LPL: variants seen among roughly 807,000 people sequenced by gnomAD.
LPL encodes the protein lipoprotein lipase.
In LPL, 43 loss-of-function variants were observed where a neutral mutation model predicts 52.2. The ratio of observed to expected loss-of-function variants is 0.82; its 90% CI spans 0.64 to 1.06. The LOEUF (loss-of-function observed/expected upper bound fraction) is 1.06. LPL is among the 50% of genes least tolerant of loss of function. The pLI, the probability that LPL is intolerant of heterozygous loss-of-function variation, is 0.00. For missense variants in LPL, 639 were observed against 585.3 expected, an observed-to-expected ratio of 1.09 and a Z score of -0.95; for synonymous variants, 244 against 215.6, an observed-to-expected ratio of 1.13 and a Z score of -1.15.
chr8:19,948,520 C>T, intron 2 of LPL, 180 bp downstream of exon 2: 1 of 677,286 alleles, frequency 1.5e-6, no homozygotes, highest in South Asian at 2.0e-5. Flanking sequence ...ATGAGAACTC[C>T]CCCTAGGCAG....
intron 1 of LPL, 67 bp from the exon 2 acceptor site, chr8:19,948,113 A>G: frequency 6.5e-7 from 1 of 1,535,272 alleles, no homozygotes; most frequent in Non-Finnish European, 9.0e-7. Context: ...AACCTAAAAC[A>G]TATCATTCCA....
intron 2 of LPL, 141 bp from the exon 3 acceptor site, chr8:19,951,628 T>G: frequency 1.1e-6 from 1 of 924,434 alleles, no homozygotes; most frequent in Non-Finnish European, 1.8e-6. Flanking sequence ...TGAACACTGT[T>G]CTGTTATTTG....
At chr8:19,954,432 C>A in intron 5 of LPL, 79 bp downstream of exon 5, 1 of 1,380,908 alleles carries the variant, frequency 7.2e-7, no homozygotes, top group Non-Finnish European at 1.0e-6. Flanking sequence ...TCAGTAGCTT[C>A]AAAGTATGTA....
rs1193006100 is a variant in LPL, at chr8:19,955,991, G to A, written c.926G>A (p.Arg309His). Residue 309 changes from arginine (R) to histidine (H), a missense_variant, in exon 6 of 10, where the codon CGC (arginine) becomes CAC (histidine). By Grantham distance (29) the Arg-to-His change is conservative (BLOSUM62 0). Transcript: ENST00000650287. The part of the protein sequence containing the change: ...KGLCLSCRKN[R>H]CNNLGYEINK... The stretch of plus-strand genomic sequence containing the variant: ...CTCTGCTTGAGTTGTAGAAAGAACC[G>A]CTGCAACAATCTGGGCTATGAGATC... 4.3e-6 allele frequency: 7 copies of A among 1,614,116 alleles called. No individual in the cohort carries two copies. The highest frequency in any genetic ancestry group is 1.1e-5 in the South Asian group (1 of 91,080).
intron 1 of LPL, among the ~76,000 whole-genome samples, chr8:19,945,932 G>C (rs966344293): frequency 7.2e-5 from 11 of 152,210 alleles, no homozygotes; most frequent in African/African-American, 2.2e-4. Context: ...ATTTAAGGTG[G>C]AAAGGTGTGG....
chr8:19,953,510 A>C (rs2069953343), intron 4 of LPL, 89 bp downstream of exon 4: 1 of 901,682 alleles, frequency 1.1e-6, no homozygotes. Context: ...TTAAATACCC[A>C]CATGTGTGGT....
At chr8:19,955,762 C>T (rs552545352) in intron 5 of LPL, 79 bp from the exon 6 acceptor site, 5 of 1,570,880 alleles carry the variant, frequency 3.2e-6, no homozygotes, top group South Asian at 1.1e-5. Context: ...CCACATCTCA[C>T]CTATTTTAGA....
chr8:19,963,664 TTA>T (rs1437159288), intron 9 of LPL, among the ~76,000 whole-genome samples: 12 of 152,194 alleles, frequency 7.9e-5, no homozygotes, highest in African/African-American at 2.6e-4. Context: ...TACATAATAT[TTA>T]TATGTTTTTC....
chr8:19,945,683 G>A (rs993383949), intron 1 of LPL, among the ~76,000 whole-genome samples: 1 of 152,146 alleles, frequency 6.6e-6, no homozygotes, highest in African/African-American at 2.4e-5. Context: ...AAGAAAATTT[G>A]TGGTCATTTC....
chr8:19,946,320 G>A lies in LPL; in HGVS notation c.89-1860G>A, dbSNP rs59630933. Among the ~76,000 whole-genome samples the A allele has an allele frequency of 7.8e-3, 1,180 of 152,150 alleles. 46 individuals are homozygous for A. The East Asian group carries it at 0.099, about 13-fold the overall frequency. The stretch of plus-strand genomic sequence containing the variant: ...ATTAAGAAATTTCTCCTACATTTTA[G>A]ATGACGGAGGTGTGTGTGCACGTGT... On this transcript the variant is annotated intron_variant, in intron 1 of 9. Transcript: ENST00000650287.
chr8:19,955,956 T>C lies in LPL; in HGVS notation c.891T>C (p.Phe297=), dbSNP rs150120283. The stretch of plus-strand genomic sequence containing the variant: ...ACAGGTGCAGTTCCAAGGAAGCCTT[T>C]GAGAAAGGGCTCTGCTTGAGTTGTA... ...KAYRCSSKEA[F]EKGLCLSCRK... The change falls in exon 6 of 10, where the codon TTT becomes TTC. Residue 297 remains phenylalanine (F), a synonymous_variant. Transcript: ENST00000650287. The C allele has an allele frequency of 1.4e-5, 23 of 1,613,994 alleles. No homozygotes were observed. The highest frequency in any genetic ancestry group is 1.8e-5 in the Non-Finnish European group (21 of 1,180,012).
intron 1 of LPL, 93 bp from the exon 2 acceptor site, chr8:19,948,087 G>T: frequency 7.6e-7 from 1 of 1,320,454 alleles, no homozygotes; most frequent in Non-Finnish European, 1.1e-6. Context: ...AATAGCATCA[G>T]CGGTGGTTGC....
At chr8:19,953,183 T>A in intron 3 of LPL, 127 bp from the exon 4 acceptor site, 1 of 675,442 alleles carries the variant, frequency 1.5e-6, no homozygotes, top group Non-Finnish European at 2.7e-6. Context: ...TAACACAAAA[T>A]TAAAATAAGT....
intron 6 of LPL, among the ~76,000 whole-genome samples, chr8:19,958,033 T>TTTATTTAC (rs1243208089): frequency 6.6e-6 from 1 of 150,508 alleles, no homozygotes; most frequent in African/African-American, 2.5e-5. Context: ...TATTTATTTA[T>TTTATTTAC]TTTTGAGACA....
At chr8:19,946,624 A>T in intron 1 of LPL, 1 of 222,236 alleles carries the variant, frequency 4.5e-6, no homozygotes, top group Non-Finnish European at 9.5e-6. Context: ...TAGTCCTCGC[A>T]GCCTCATGAA....
chr8:19,949,644 G>A (rs34123038), intron 2 of LPL, among the ~76,000 whole-genome samples: 5,791 of 152,016 alleles, frequency 0.038, 157 homozygotes, highest in Non-Finnish European at 0.054. Context: ...CACCACACCC[G>A]GCCAATTTTT....
rs2070088083 is a variant in LPL at position 19,966,223 on chromosome 8, C to T, written c.*913C>T. The T allele has an allele frequency of 6.6e-6, 1 of 152,108 alleles. No individual in the cohort carries two copies. The highest frequency in any genetic ancestry group is 1.5e-5 in the Non-Finnish European group (1 of 68,026). 9.4% of individuals were successfully genotyped at this position (152,108 alleles called of 1,614,324 possible). On this transcript the variant is annotated 3_prime_UTR_variant, in exon 10 of 10. Coordinates refer to ENST00000650287, the MANE Select transcript of LPL (RefSeq NM_000237.3). Reference sequence around the variant, plus strand: ...CTGACAGTTACTCTTCAGTTTTAGGCTTACCTTGGTCATGCTTCAGTTGTA... The same window carrying T: ...CTGACAGTTACTCTTCAGTTTTAGGTTTACCTTGGTCATGCTTCAGTTGTA...
chr8:19,962,270 G>T, intron 9 of LPL, 51 bp downstream of exon 9: 1 of 1,403,350 alleles, frequency 7.1e-7, no homozygotes, highest in South Asian at 1.2e-5. Context: ...TGCACCCTAA[G>T]GGAGGCAGCT....
intron 9 of LPL, among the ~76,000 whole-genome samples, chr8:19,963,138 T>C (rs1271387251): frequency 6.6e-6 from 1 of 152,230 alleles, no homozygotes; most frequent in Non-Finnish European, 1.5e-5. Context: ...CTAGTTTGCA[T>C]TTGGGACAAA....
Sources: gnomAD v4.1 joint callset for allele counts (sites outside exome capture counted in the v4.1 genomes callset) on GRCh38, gnomAD v4.1.1 for gene constraint, MANE v1.5 for transcripts, NCBI Gene and HGNC (gene_info 2026-07-23, HGNC 2026-07-21) for gene names.